Variants in ACOT7 observed in about 807,000 individuals in gnomAD.
ACOT7 encodes acyl-CoA thioesterase 7.
A neutral mutation model predicts 40.2 loss-of-function variants in ACOT7; 12 were observed. That is an observed-to-expected ratio of 0.30 (90% CI 0.19 to 0.48). The LOEUF (loss-of-function observed/expected upper bound fraction) is 0.48. ACOT7 is among the 20% of genes least tolerant of loss of function. The pLI, the probability that ACOT7 is intolerant of heterozygous loss-of-function variation, is 0.99. For synonymous variants in ACOT7, 228 were observed against 219.5 expected, an observed-to-expected ratio of 1.04 and a Z score of -0.34; for missense variants, 395 against 530.8, an observed-to-expected ratio of 0.74 and a Z score of 2.51.
intron 1 of ACOT7, among the ~76,000 whole-genome samples, chr1:6,376,466 T>C (rs1163778211): frequency 6.6e-6 from 1 of 150,838 alleles, no homozygotes; most frequent in African/African-American, 2.4e-5. Context: ...CGGTGGCTCA[T>C]GCATGTAATC....
intron 1 of ACOT7, among the ~76,000 whole-genome samples, chr1:6,387,939 T>TG (rs1474266135): frequency 1.3e-5 from 2 of 149,396 alleles, no homozygotes; most frequent in Non-Finnish European, 3.0e-5. Context: ...TCTTTGTTTT[T>TG]TTTTTTTTCT....
chr1:6,392,866 C>G (rs189624576), intron 1 of ACOT7, among the ~76,000 whole-genome samples: 2,451 of 152,314 alleles, frequency 0.016, 26 homozygotes, highest in Non-Finnish European at 0.025. Context: ...TAAGCAGGAC[C>G]ACGGGGCTGA....
rs1447863221 is a variant in ACOT7, at chr1:6,349,771, C to T, written c.239G>A (p.Arg80Gln). Residue 80 changes from arginine (R) to glutamine (Q), a missense_variant, in exon 2 of 9, where the codon CGG (arginine) becomes CAG (glutamine). Arg to Gln is a conservative substitution (Grantham distance 43). Around this residue, in one of 2 missense-constraint regions of ACOT7, gnomAD observed 309 missense variants for 470.3 expected, o/e 0.66. Coordinates refer to ENST00000361521, the MANE Select transcript of ACOT7 (RefSeq NM_007274.4). ...TACCCCGTTCTGGCTGTTGCAATGC[C>T]GGGTGCTGATGATGGCGCCTGCCTC... ...IEEAGAIISTRHCNSQNGERC... is the reference protein window; with the variant it reads ...IEEAGAIISTQHCNSQNGERC... The T allele has an allele frequency of 3.7e-6, 6 of 1,613,864 alleles. No individual in the cohort carries two copies. Among genetic ancestry groups the T allele is most frequent in the Non-Finnish European group, 3.4e-6 (4 of 1,179,934 alleles).
At position 6,294,785 on chromosome 1, in the gene ACOT7, GA is replaced by G; in HGVS notation, c.829+78del. On this transcript the variant is annotated intron_variant, in intron 7 of 8. Coordinates refer to ENST00000361521, the MANE Select transcript of ACOT7 (RefSeq NM_007274.4). This position sits in a 1 kb window ranked among gnomAD's most constrained non-coding sequence, Gnocchi z 4.6. ...CCAAGGCCCACATGACCCTGGGTGT[GA>G]ACAGAAAACAAACTGGTGCAGGGAC... The G allele has an allele frequency of 8.6e-7, 1 of 1,166,602 alleles. No homozygotes were observed. The highest frequency in any genetic ancestry group is 1.3e-6 in the Non-Finnish European group (1 of 787,396). The allele number at this position is 1,166,602 out of a possible 1,614,324, so 72.3% of individuals were successfully genotyped here.
chr1:6,319,236 A>G (rs970509727), intron 5 of ACOT7, among the ~76,000 whole-genome samples: 4 of 152,360 alleles, frequency 2.6e-5, no homozygotes, highest in Admixed American at 1.3e-4. Flanking sequence ...TCTATTGCCC[A>G]GGCTGAAGTG....
Position 6,266,304 on chromosome 1 carries a change from A to T in ACOT7, c.1015-1609T>A, listed in dbSNP as rs572158166. 2.6e-5 allele frequency among the ~76,000 whole-genome samples: 4 copies of T among 152,332 alleles called. No homozygotes were observed. The South Asian group carries it at 8.3e-4, about 32-fold the overall frequency. On this transcript the variant is annotated intron_variant, in intron 8 of 8. Coordinates refer to ENST00000361521, the MANE Select transcript of ACOT7 (RefSeq NM_007274.4). Reference sequence around the variant, plus strand: ...AGACCCCTGAGCTTCCTGGGCTTGGAGGGCACAGAGCGCAGCCCCTGCAGA... The same window carrying T: ...AGACCCCTGAGCTTCCTGGGCTTGGTGGGCACAGAGCGCAGCCCCTGCAGA...
chr1:6,330,066 G>GGTGT lies in ACOT7; in HGVS notation c.511-2657_511-2654dup, dbSNP rs145131866. ...ATCCAGGAAACCAGTGTGTGTGTGT[G>GGTGT]GTGTGTGTGTGTGTGTGCGTGTTCA... On this transcript the variant is annotated intron_variant, in intron 4 of 8. Transcript: ENST00000361521. The surrounding 1 kb of genome is among the most constrained non-coding windows in gnomAD (Gnocchi z 4.6). 1.3e-5 allele frequency among the ~76,000 whole-genome samples: 2 copies of GGTGT among 150,996 alleles called. No homozygotes were observed. The highest frequency in any genetic ancestry group is 2.1e-4 in the South Asian group (1 of 4,786).
intron 6 of ACOT7, among the ~76,000 whole-genome samples, chr1:6,308,467 A>G (rs981806565): frequency 2.7e-5 from 4 of 150,800 alleles, no homozygotes; most frequent in Non-Finnish European, 4.4e-5. Flanking sequence ...GGTGGAGAGA[A>G]CTGCAACAGG....
intron 4 of ACOT7, among the ~76,000 whole-genome samples, chr1:6,328,507 C>A (rs1007767949): frequency 5.3e-5 from 8 of 151,900 alleles, no homozygotes; most frequent in Non-Finnish European, 1.2e-4. Context: ...CATGGTGAAA[C>A]CCCGCCTCTA....
chr1:6,369,273 G>A (rs901298751), intron 1 of ACOT7, among the ~76,000 whole-genome samples: 7 of 152,050 alleles, frequency 4.6e-5, no homozygotes, highest in Admixed American at 3.3e-4. Context: ...GAGCCACCTC[G>A]CCTGGTCTAT....
At chr1:6,273,048 G>A (rs944863375) in intron 8 of ACOT7, among the ~76,000 whole-genome samples, 42 of 152,216 alleles carry the variant, frequency 2.8e-4, no homozygotes, top group African/African-American at 9.2e-4. Flanking sequence ...AAACCTCCAG[G>A]GGGAGAACAT....
At chr1:6,388,799 G>A (rs1642484548) in intron 1 of ACOT7, among the ~76,000 whole-genome samples, 1 of 149,726 alleles carries the variant, frequency 6.7e-6, no homozygotes, top group Non-Finnish European at 1.5e-5. Flanking sequence ...AGCACTTTGG[G>A]AGGCCAAGGT....
At chr1:6,322,958 C>T (rs1316951804) in intron 5 of ACOT7, among the ~76,000 whole-genome samples, 1 of 151,602 alleles carries the variant, frequency 6.6e-6, no homozygotes, top group Non-Finnish European at 1.5e-5. Context: ...TGGTGAAACC[C>T]CTCTCTATTA....
In ACOT7 at chr1:6,311,499, C is replaced by G. The variant is rs993149660; in HGVS notation, c.712+6993G>C. On this transcript the variant is annotated intron_variant, in intron 6 of 8. Transcript: ENST00000361521. The surrounding 1 kb of genome is among the most constrained non-coding windows in gnomAD (Gnocchi z 5.2). ...AAACCGGTCCAGGGCAGGGCTGGAG[C>G]TGCCGCTGTCCGCAAGGTTCAATCT... Among the ~76,000 whole-genome samples the G allele has an allele frequency of 5.3e-5, 8 of 152,216 alleles. No individual in the cohort carries two copies. The highest frequency in any genetic ancestry group is 1.7e-4 in the African/African-American group (7 of 41,452).
Position 6,282,096 on chromosome 1 carries a change from C to A in ACOT7, c.830-810G>T, listed in dbSNP as rs547704179. Among the ~76,000 whole-genome samples the A allele has an allele frequency of 1.4e-3, 206 of 152,240 alleles. 1 individual carries two copies. The highest frequency in any genetic ancestry group is 2.9e-3 in the Admixed American group (44 of 15,298). On this transcript the variant is annotated intron_variant, in intron 7 of 8. Transcript: ENST00000361521. The surrounding 1 kb of genome is among the most constrained non-coding windows in gnomAD (Gnocchi z 4.5). ...ACCCTAACCAACCTCTCTGTACGCC[C>A]CACGCTCCCCAGGGCACGACAGTCC...
rs1641797201 is a variant in ACOT7, at chr1:6,358,076, C to G, written c.144-8210G>C. Among the ~76,000 whole-genome samples the G allele has an allele frequency of 6.6e-6, 1 of 152,024 alleles. No individual in the cohort carries two copies. The highest frequency in any genetic ancestry group is 6.6e-5 in the Admixed American group (1 of 15,258). On this transcript the variant is annotated intron_variant, in intron 1 of 8. Coordinates refer to ENST00000361521, the MANE Select transcript of ACOT7 (RefSeq NM_007274.4). The surrounding 1 kb of genome is among the most constrained non-coding windows in gnomAD (Gnocchi z 4.1). ...AGAGACGGGGGTTTCACCATGTTGG[C>G]CAGGCTGGTCTCAAACTCCTGACCT...
chr1:6,303,250 G>A (rs1571287300), intron 6 of ACOT7, among the ~76,000 whole-genome samples: 1 of 151,912 alleles, frequency 6.6e-6, no homozygotes, highest in Non-Finnish European at 1.5e-5. Flanking sequence ...CATCTCCCAA[G>A]ATCTGTAATT....
intron 1 of ACOT7, among the ~76,000 whole-genome samples, chr1:6,375,422 C>T (rs1011860074): frequency 1.3e-5 from 2 of 152,100 alleles, no homozygotes; most frequent in East Asian, 3.9e-4. Context: ...AATCCCAGCA[C>T]TTTGGGAGGT....
In ACOT7 at chr1:6,338,346, C is replaced by A. The variant is rs1159629443; in HGVS notation, c.418+1087G>T. ...AGTGGGGAACCCACCCAGCCCTGAGCCTCTCCCGAGTCGTGGGCGCTGCTC... is the reference window on the plus strand; with the variant it reads ...AGTGGGGAACCCACCCAGCCCTGAGACTCTCCCGAGTCGTGGGCGCTGCTC... On this transcript the variant is annotated intron_variant, in intron 3 of 8. Transcript: ENST00000361521. The surrounding 1 kb of genome is among the most constrained non-coding windows in gnomAD (Gnocchi z 4.4). Among the ~76,000 whole-genome samples, 2 of 152,244 alleles carry A rather than the reference C, an allele frequency of 1.3e-5. No individual in the cohort carries two copies. Among genetic ancestry groups the A allele is most frequent in the East Asian group, 1.9e-4 (1 of 5,192 alleles).
Sources: allele counts gnomAD v4.1 joint callset (sites outside exome capture counted in the v4.1 genomes callset), GRCh38; gene constraint gnomAD v4.1.1; regional missense constraint gnomAD v4.1.1; non-coding constraint Gnocchi (gnomAD v3.1); transcripts MANE v1.5; gene names NCBI Gene and HGNC (gene_info 2026-07-23, HGNC 2026-07-21).